BMPER: variants seen among roughly 807,000 people sequenced by gnomAD.
BMPER encodes the protein BMP-binding endothelial regulator protein.
Under a neutral mutation model 87.3 loss-of-function variants are expected in BMPER, and 45 were observed. The ratio of observed to expected loss-of-function variants is 0.52; its 90% CI spans 0.41 to 0.66. The LOEUF (loss-of-function observed/expected upper bound fraction) is 0.66. Among genes scored for constraint, BMPER ranks in the 30% least tolerant of loss-of-function variants. The pLI, the probability that BMPER is intolerant of heterozygous loss-of-function variation, is 0.00. For missense variants in BMPER, 784 were observed against 867.5 expected (o/e 0.90, Z 1.21); for synonymous variants, 326 against 316.2 (o/e 1.03, Z -0.33).
chr7:34,090,639 G>T (rs1030658929), intron 13 of BMPER, among the ~76,000 whole-genome samples: 73 of 152,186 alleles, frequency 4.8e-4, no homozygotes, highest in African/African-American at 1.5e-3. Flanking sequence ...TATTCCTTGT[G>T]CCTATGAAAT....
At chr7:34,059,217 T>C (rs1478338054) in intron 10 of BMPER, among the ~76,000 whole-genome samples, 2 of 152,194 alleles carry the variant, frequency 1.3e-5, no homozygotes, top group Non-Finnish European at 2.9e-5. Flanking sequence ...TAATGAACTC[T>C]TGCAGCACAT....
At chr7:33,917,819 C>T (rs1395465365) in intron 2 of BMPER, among the ~76,000 whole-genome samples, 1 of 152,032 alleles carries the variant, frequency 6.6e-6, no homozygotes, top group African/African-American at 2.4e-5. Flanking sequence ...GGGCAAGCAC[C>T]CTATTTTTAG....
intron 13 of BMPER, among the ~76,000 whole-genome samples, chr7:34,136,779 C>T (rs1041914128): frequency 2.6e-5 from 4 of 152,240 alleles, no homozygotes; most frequent in African/African-American, 9.6e-5. Context: ...GCTGAAGACC[C>T]TTTGTGGTGG....
At position 33,967,165 on chromosome 7, in the gene BMPER, T is replaced by C. The variant is rs563771321; in HGVS notation, c.402+604T>C. 2.6e-5 allele frequency among the ~76,000 whole-genome samples: 4 copies of C among 152,222 alleles called. No individual in the cohort carries two copies. In the East Asian group the frequency reaches 7.7e-4, roughly 29 times the overall value. ...ACAGCAAGATAAACTAAAGCAGAAATGAAAAGCCTAAATTTTCAAACTCCT... is the reference window on the plus strand; with the variant it reads ...ACAGCAAGATAAACTAAAGCAGAAACGAAAAGCCTAAATTTTCAAACTCCT... On this transcript the variant is annotated intron_variant, in intron 4 of 14. Transcript: ENST00000649409.
intron 13 of BMPER, among the ~76,000 whole-genome samples, chr7:34,138,935 TA>T (rs1790794430): frequency 6.6e-6 from 1 of 152,150 alleles, no homozygotes; most frequent in Admixed American, 6.5e-5. Context: ...ACTTATTCTG[TA>T]AAATGAATAT....
At chr7:33,991,752 T>G (rs1462595523) in intron 6 of BMPER, among the ~76,000 whole-genome samples, 6 of 150,030 alleles carry the variant, frequency 4.0e-5, no homozygotes, top group African/African-American at 1.2e-4. Context: ...TTGTGGGCAT[T>G]TAGTGCTATA....
intron 3 of BMPER, among the ~76,000 whole-genome samples, chr7:33,961,211 A>T (rs1785262728): frequency 6.6e-6 from 1 of 152,194 alleles, no homozygotes; most frequent in African/African-American, 2.4e-5. Flanking sequence ...AGCAGAATAG[A>T]GGATGAAGAG....
At chr7:34,037,827 A>G (rs1360360444) in intron 6 of BMPER, among the ~76,000 whole-genome samples, 1 of 152,210 alleles carries the variant, frequency 6.6e-6, no homozygotes, top group Non-Finnish European at 1.5e-5. Flanking sequence ...TTCTAACTAG[A>G]CATGGGTGCA....
At chr7:34,086,339 C>T (rs73316413) in intron 13 of BMPER, among the ~76,000 whole-genome samples, 1,669 of 152,246 alleles carry the variant, frequency 0.011, 31 homozygotes, top group African/African-American at 0.038. Flanking sequence ...TAGGTCTGCA[C>T]GTTTACTGGA....
intron 3 of BMPER, among the ~76,000 whole-genome samples, chr7:33,947,795 A>T (rs1201314655): frequency 3.9e-5 from 6 of 152,146 alleles, no homozygotes; most frequent in Admixed American, 6.5e-5. Flanking sequence ...GTATAGTATA[A>T]GGTTATGAAT....
At position 34,051,728 on chromosome 7, in the gene BMPER, A is replaced by T. The variant is rs115681921; in HGVS notation, c.677-133A>T. 2.7e-3 allele frequency: 2,101 copies of T among 780,658 alleles called. 31 individuals carry two copies. The African/African-American group carries it at 0.031, about 11-fold the overall frequency. 48.4% of individuals were successfully genotyped at this position (780,658 alleles called of 1,614,324 possible). A position where few individuals can be genotyped will look rare whatever the true frequency, so the allele number is the denominator to read the frequency against. On this transcript the variant is annotated intron_variant, in intron 7 of 14. Coordinates refer to ENST00000649409, the MANE Select transcript of BMPER (RefSeq NM_001365308.1). ...GGATCCTTTAGGCATGTCTGACCCA[A>T]GACTCTATTTTTGTGCTCCAGACTT...
intron 6 of BMPER, among the ~76,000 whole-genome samples, chr7:34,024,417 A>G (rs1585748281): frequency 2.1e-5 from 1 of 47,672 alleles, no homozygotes. Context: ...ATATATATAT[A>G]TATATATATA....
intron 6 of BMPER, among the ~76,000 whole-genome samples, chr7:34,003,778 C>T (rs886802651): frequency 6.6e-6 from 1 of 152,012 alleles, no homozygotes; most frequent in Non-Finnish European, 1.5e-5. Flanking sequence ...GATGATGAAT[C>T]AGCTATTTTA....
Position 34,055,457 on chromosome 7 carries a change from A to C in BMPER, c.927+154A>C, listed in dbSNP as rs146893756. Among the ~76,000 whole-genome samples the C allele has an allele frequency of 4.9e-3, 744 of 152,352 alleles. 5 individuals are homozygous for C. The highest frequency in any genetic ancestry group is 0.017 in the African/African-American group (715 of 41,576). On this transcript the variant is annotated intron_variant, in intron 9 of 14. Transcript: ENST00000649409. ...TATTAATAGAATGTATTTATATTAC[A>C]GTATTATATATACATTTATAGTTAG...
chr7:33,944,341 A>G (rs1222416517), intron 3 of BMPER, among the ~76,000 whole-genome samples: 1 of 151,528 alleles, frequency 6.6e-6, no homozygotes, highest in Non-Finnish European at 1.5e-5. Flanking sequence ...ATTTTTTTGT[A>G]TTTTTAGTAG....
At chr7:33,970,463 T>C in intron 5 of BMPER, 44 bp downstream of exon 5, 1 of 1,576,898 alleles carries the variant, frequency 6.3e-7, no homozygotes, top group South Asian at 1.1e-5. Context: ...CTGTGTGTTC[T>C]TTCAGGAATG....
At chr7:33,926,940 C>G (rs760170389) in intron 2 of BMPER, among the ~76,000 whole-genome samples, 3 of 152,228 alleles carry the variant, frequency 2.0e-5, no homozygotes, top group Admixed American at 6.5e-5. Context: ...GATGTCACCC[C>G]GCTCTTACTG....
chr7:34,086,121 T>A (rs748393398), intron 13 of BMPER, 29 bp downstream of exon 13: 1 of 1,606,370 alleles, frequency 6.2e-7, no homozygotes, highest in Admixed American at 1.7e-5. Context: ...GGAATGGTTT[T>A]GGGTTGCAGA....
At chr7:33,961,225 A>G (rs534422367) in intron 3 of BMPER, among the ~76,000 whole-genome samples, 1 of 152,274 alleles carries the variant, frequency 6.6e-6, no homozygotes, top group African/African-American at 2.4e-5. Context: ...TGAAGAGGTG[A>G]GTTGAGGCCA....
Sources: gnomAD v4.1 joint callset for allele counts (sites outside exome capture counted in the v4.1 genomes callset) on GRCh38, gnomAD v4.1.1 for gene constraint, MANE v1.5 for transcripts, NCBI Gene and HGNC (gene_info 2026-07-23, HGNC 2026-07-21) for gene names.